The following DAP3 variants were observed in gnomAD, a reference collection of about 807,000 sequenced individuals.
DAP3 encodes small ribosomal subunit protein mS29.
In DAP3, 28 loss-of-function variants were observed where a neutral mutation model predicts 51.9. That is an observed-to-expected ratio of 0.54 (90% CI 0.40 to 0.74). The LOEUF (loss-of-function observed/expected upper bound fraction) is 0.74. Among genes scored for constraint, DAP3 ranks in the 30% least tolerant of loss-of-function variants. DAP3 has a pLI of 0.00. For missense variants in DAP3, 458 were observed against 483.5 expected (o/e 0.95, Z 0.49); for synonymous variants, 170 against 170.3 (o/e 1.00, Z 0.01).
At chr1:155,695,783 G>T in intron 1 of DAP3, among the ~76,000 whole-genome samples, 1 of 152,216 alleles carries the variant, frequency 6.6e-6, no homozygotes, top group East Asian at 1.9e-4. Context: ...GACTGAGGAA[G>T]AGTTAGTGTG....
intron 1 of DAP3, among the ~76,000 whole-genome samples, chr1:155,696,904 AG>A (rs1421990728): frequency 2.0e-5 from 3 of 152,228 alleles, no homozygotes; most frequent in Non-Finnish European, 4.4e-5. Flanking sequence ...AATAACAAGC[AG>A]CCAGTCTTTA....
chr1:155,692,694 A>T (rs1010585614), intron 1 of DAP3, among the ~76,000 whole-genome samples: 1 of 142,010 alleles, frequency 7.0e-6, no homozygotes, highest in East Asian at 1.9e-4. Flanking sequence ...TTTCTTCCAG[A>T]TGATGTCTAA....
chr1:155,688,179 G>A (rs1310287735), upstream of DAP3: 5 of 1,613,942 alleles, frequency 3.1e-6, no homozygotes, highest in African/African-American at 1.3e-5. Context: ...CGCTTGTCAG[G>A]AGGCGGCCAG....
chr1:155,730,174 CATATATGTATATATAATATTCATATATGT>C (rs1331866533), intron 9 of DAP3, among the ~76,000 whole-genome samples: 181 of 132,878 alleles, frequency 1.4e-3, no homozygotes, highest in East Asian at 2.9e-3. Context: ...CCTATATGTT[CATATATGTATATATAATATTCATATATGT>C]ATATATGTAT....
At chr1:155,715,035 T>G (rs913542496) in intron 2 of DAP3, among the ~76,000 whole-genome samples, 1 of 151,680 alleles carries the variant, frequency 6.6e-6, no homozygotes, top group African/African-American at 2.4e-5. Context: ...AAATCCTGTC[T>G]CTACTAAAAA....
chr1:155,704,123 G>A lies in DAP3; in HGVS notation c.-7-5650G>A, dbSNP rs144271871. Among the ~76,000 whole-genome samples the A allele has an allele frequency of 9.1e-3, 1,392 of 152,210 alleles. 8 individuals carry two copies. Among genetic ancestry groups the A allele is most frequent in the Admixed American group, 0.014 (214 of 15,282 alleles). ...GATTGTGCCACTGCACTCCAGCCTG[G>A]GCAACAGACTGAGACCCGATCTCAC... On this transcript the variant is annotated intron_variant, in intron 1 of 12. Transcript: ENST00000368336.
At chr1:155,716,521 C>T (rs1165628751) in intron 2 of DAP3, among the ~76,000 whole-genome samples, 3 of 151,692 alleles carry the variant, frequency 2.0e-5, no homozygotes, top group East Asian at 1.9e-4. Flanking sequence ...TGCAGTGAGC[C>T]GAGATCGCGC....
At chr1:155,730,309 A>G (rs1215246970) in intron 9 of DAP3, among the ~76,000 whole-genome samples, 2 of 151,708 alleles carry the variant, frequency 1.3e-5, no homozygotes, top group African/African-American at 4.8e-5. Context: ...TCGTATATAT[A>G]TGTGAAGATA....
chr1:155,688,284 C>T, upstream of DAP3: 1 of 1,584,424 alleles, frequency 6.3e-7, no homozygotes, highest in East Asian at 2.3e-5. Flanking sequence ...GCAACCGACA[C>T]TGGGATCGTT....
intron 2 of DAP3, 102 bp from the exon 3 acceptor site, chr1:155,716,904 C>T (rs1157156475): frequency 1.7e-5 from 26 of 1,487,058 alleles, no homozygotes; most frequent in Middle Eastern, 1.9e-4. Flanking sequence ...CCTGAGATCA[C>T]GCCATTGCAC....
At chr1:155,733,664 C>G (rs1246190558) in intron 11 of DAP3, among the ~76,000 whole-genome samples, 1 of 151,762 alleles carries the variant, frequency 6.6e-6, no homozygotes, top group Non-Finnish European at 1.5e-5. Context: ...TGGTGAAATC[C>G]TGTCTCTACT....
At chr1:155,723,480 C>G (rs12062961) in intron 4 of DAP3, among the ~76,000 whole-genome samples, 99 of 152,228 alleles carry the variant, frequency 6.5e-4, no homozygotes, top group African/African-American at 2.3e-3. Flanking sequence ...AGGTGCTCGC[C>G]ACCACGCCTG....
upstream of DAP3, chr1:155,688,859 G>C (rs1653194269): frequency 1.6e-5 from 25 of 1,601,460 alleles, no homozygotes; most frequent in Non-Finnish European, 2.0e-5. Context: ...GGAAGGGACC[G>C]GCAAAGCGAG....
intron 2 of DAP3, chr1:155,710,538 C>T (rs1199096067): frequency 1.3e-5 from 2 of 151,974 alleles, no homozygotes; most frequent in Non-Finnish European, 2.9e-5. Flanking sequence ...CCTTCAGTAC[C>T]TTCTATATGG....
upstream of DAP3, chr1:155,688,080 G>A (rs149449921): frequency 1.3e-3 from 2,009 of 1,587,650 alleles, 27 homozygotes; most frequent in African/African-American, 0.024. Flanking sequence ...CCGTGTCGGA[G>A]GCCGAGAGCG....
upstream of DAP3, chr1:155,688,309 G>T: frequency 1.3e-6 from 2 of 1,564,158 alleles, no homozygotes; most frequent in African/African-American, 1.4e-5. Flanking sequence ...CTCGCAAAGC[G>T]AACCCAAAAT....
chr1:155,704,325 T>C (rs1280313669), intron 1 of DAP3, among the ~76,000 whole-genome samples: 1 of 152,148 alleles, frequency 6.6e-6, no homozygotes, highest in South Asian at 2.1e-4. Context: ...GTCTATAACA[T>C]AGGCAAAATA....
chr1:155,736,659 T>C (rs1246693994), intron 11 of DAP3: 1 of 374,898 alleles, frequency 2.7e-6, no homozygotes, highest in Non-Finnish European at 4.9e-6. Context: ...TCAAGCAATA[T>C]GCCCATCTCA....
intron 3 of DAP3, among the ~76,000 whole-genome samples, chr1:155,718,818 A>C (rs1657656491): frequency 6.6e-6 from 1 of 152,226 alleles, no homozygotes; most frequent in Admixed American, 6.5e-5. Flanking sequence ...GAAGTAGAAT[A>C]AATGAATCAA....
Sources: allele counts gnomAD v4.1 joint callset (sites outside exome capture counted in the v4.1 genomes callset), GRCh38; gene constraint gnomAD v4.1.1; transcripts MANE v1.5; gene names NCBI Gene and HGNC (gene_info 2026-07-23, HGNC 2026-07-21).